The following CR1 variants were observed in gnomAD, a reference collection of about 807,000 sequenced individuals.
CR1 encodes the protein complement C3b/C4b receptor 1 (Knops blood group).
CR1 carries 116 observed loss-of-function variants against 187.3 expected under a neutral mutation model. The observed-to-expected ratio is 0.62, with a 90% confidence interval of 0.53 to 0.72. CR1 has a LOEUF of 0.72. CR1 is among the 30% of genes least tolerant of loss of function. The pLI is 0.00. For synonymous variants in CR1, 576 were observed against 747.1 expected (o/e 0.77, Z 3.73); for missense variants, 1,731 against 2,110.7 (o/e 0.82, Z 3.52).
intron 28 of CR1, among the ~76,000 whole-genome samples, chr1:207,576,063 T>C (rs995447428): frequency 6.6e-6 from 1 of 152,228 alleles, no homozygotes; most frequent in Non-Finnish European, 1.5e-5. Context: ...ATTCAAGCCA[T>C]GCAGCTCTTT....
At chr1:207,591,802 G>A (rs1351791608) in intron 35 of CR1, among the ~76,000 whole-genome samples, 13 of 152,152 alleles carry the variant, frequency 8.5e-5, no homozygotes. Context: ...TACCATCAGA[G>A]AATACTATAA....
intron 35 of CR1, among the ~76,000 whole-genome samples, chr1:207,604,988 G>A (rs1309036843): frequency 2.6e-5 from 4 of 152,042 alleles, no homozygotes; most frequent in Admixed American, 2.6e-4. Context: ...TTGCTGGCCG[G>A]GCACAGTGTC....
At chr1:207,591,226 A>C (rs1661262067) in intron 35 of CR1, among the ~76,000 whole-genome samples, 1 of 152,232 alleles carries the variant, frequency 6.6e-6, no homozygotes, top group Non-Finnish European at 1.5e-5. Context: ...CAAAATGCAA[A>C]AGAATGGAAA....
rs766823183 is a variant in CR1, at chr1:207,587,574, C to T, written c.5710+9C>T. On this transcript the variant is annotated intron_variant, in intron 34 of 46. Transcript: ENST00000367049. ...TGAAGACAACTGTAGACGTGAGTAA[C>T]CCCTCCCTGGGAACTACTTCATGTC... is the stretch of plus-strand genomic sequence containing the variant. 1.9e-6 allele frequency: 3 copies of T among 1,610,952 alleles called. No homozygotes were observed. Among genetic ancestry groups the T allele is most frequent in the South Asian group, 1.1e-5 (1 of 90,742 alleles).
At chr1:207,623,353 G>A (rs1662372305) in intron 45 of CR1, among the ~76,000 whole-genome samples, 1 of 152,136 alleles carries the variant, frequency 6.6e-6, no homozygotes, top group Non-Finnish European at 1.5e-5. Flanking sequence ...AGGCCAAGGT[G>A]GGCAGATCAC....
intron 4 of CR1, among the ~76,000 whole-genome samples, chr1:207,513,696 GTCT>G (rs895194137): frequency 4.7e-5 from 7 of 150,338 alleles, no homozygotes; most frequent in African/African-American, 1.7e-4. Flanking sequence ...TTAACTCTTT[GTCT>G]TCTTTTCTTT....
intron 43 of CR1, among the ~76,000 whole-genome samples, chr1:207,620,992 G>C (rs1571607841): frequency 6.6e-6 from 1 of 152,222 alleles, no homozygotes; most frequent in East Asian, 1.9e-4. Context: ...AAAATAAAGG[G>C]GCCAGGTATG....
At chr1:207,585,675 G>A (rs1661091998) in intron 33 of CR1, among the ~76,000 whole-genome samples, 1 of 152,218 alleles carries the variant, frequency 6.6e-6, no homozygotes, top group East Asian at 1.9e-4. Context: ...TAAACCTGAT[G>A]AAAGGCATTT....
chr1:207,626,596 C>G (rs979595233), intron 45 of CR1, among the ~76,000 whole-genome samples: 45 of 152,178 alleles, frequency 3.0e-4, no homozygotes, highest in African/African-American at 1.1e-3. Flanking sequence ...CTAAAAAAGA[C>G]TGACAGATAT....
At chr1:207,522,013 C>T (rs1161182545) in intron 4 of CR1, among the ~76,000 whole-genome samples, 2 of 151,884 alleles carry the variant, frequency 1.3e-5, no homozygotes, top group East Asian at 3.9e-4. Flanking sequence ...TTCAATTATA[C>T]CCTTGAACAG....
intron 40 of CR1, among the ~76,000 whole-genome samples, chr1:207,615,942 A>G (rs1012995240): frequency 2.6e-5 from 4 of 152,180 alleles, no homozygotes; most frequent in African/African-American, 9.7e-5. Flanking sequence ...AGAAGCATCA[A>G]TTGCTTTTAG....
At chr1:207,577,316 A>G (rs1196000015) in intron 28 of CR1, among the ~76,000 whole-genome samples, 1 of 152,194 alleles carries the variant, frequency 6.6e-6, no homozygotes, top group Non-Finnish European at 1.5e-5. Context: ...TTAGTGAAAT[A>G]AGGTTAACTG....
intron 34 of CR1, 72 bp downstream of exon 34, chr1:207,587,637 G>A (rs987875225): frequency 2.7e-5 from 39 of 1,435,892 alleles, no homozygotes; most frequent in African/African-American, 2.1e-4. Flanking sequence ...GGTGGCTCAC[G>A]CCTGTAATCC....
chr1:207,520,906 G>T (rs1659955079), intron 4 of CR1, among the ~76,000 whole-genome samples: 1 of 128,682 alleles, frequency 7.8e-6, no homozygotes, highest in Non-Finnish European at 1.6e-5. Flanking sequence ...ATATTATTGT[G>T]TTGTGTCTAG....
At chr1:207,603,919 A>T (rs936603218) in intron 35 of CR1, among the ~76,000 whole-genome samples, 9 of 152,216 alleles carry the variant, frequency 5.9e-5, no homozygotes, top group Non-Finnish European at 1.0e-4. Context: ...CTTCACATGT[A>T]CACAAGAGAC....
intron 5 of CR1, among the ~76,000 whole-genome samples, chr1:207,525,053 G>A (rs1363830563): frequency 6.6e-6 from 1 of 151,958 alleles, no homozygotes; most frequent in African/African-American, 2.4e-5. Context: ...TCATATGCTT[G>A]GCAGGAGAGA....
At chr1:207,629,176 C>T (rs902448779) in intron 45 of CR1, among the ~76,000 whole-genome samples, 2 of 152,006 alleles carry the variant, frequency 1.3e-5, no homozygotes, top group Admixed American at 1.3e-4. Flanking sequence ...TGCCTCGTAC[C>T]CACTCCCATT....
chr1:207,588,226 C>T lies in CR1; in HGVS notation c.5711-449C>T, dbSNP rs544582428. On this transcript the variant is annotated intron_variant, in intron 34 of 46. Transcript: ENST00000367049. The stretch of plus-strand genomic sequence containing the variant: ...TGGAGCCTTACTCTGTCACCCAGGC[C>T]GGAGTGTAGTGGCGCGATCTTGGCT... Among the ~76,000 whole-genome samples, 53 of 152,118 alleles carry T rather than the reference C, an allele frequency of 3.5e-4. 1 individual carries two copies. In the East Asian group the frequency reaches 8.7e-3, roughly 25 times the overall value.
At chr1:207,600,012 G>A (rs114713133) in intron 35 of CR1, among the ~76,000 whole-genome samples, 2,311 of 152,248 alleles carry the variant, frequency 0.015, 68 homozygotes, top group African/African-American at 0.053. Context: ...TTTTTGTCAA[G>A]AGCCAGATAG....
Sources: allele counts gnomAD v4.1 joint callset (sites outside exome capture counted in the v4.1 genomes callset), GRCh38; gene constraint gnomAD v4.1.1; transcripts MANE v1.5; gene names NCBI Gene and HGNC (gene_info 2026-07-23, HGNC 2026-07-21).